Variants in XKR5 observed in about 807,000 individuals in gnomAD.
The protein encoded by XKR5 is XK related 5.
In XKR5, 46 loss-of-function variants were observed where a neutral mutation model predicts 40.8. The ratio of observed to expected loss-of-function variants is 1.13; its 90% CI spans 0.89 to 1.44. The LOEUF (loss-of-function observed/expected upper bound fraction) is 1.44. Ranked by LOEUF, XKR5 falls within the 40% of genes most tolerant of loss-of-function variation. The pLI is 0.00. For missense variants in XKR5, 1,169 were observed against 844.7 expected (o/e 1.38, Z -4.76); for synonymous variants, 466 against 356.1 (o/e 1.31, Z -3.48).
intron 6 of XKR5, 35 bp from the exon 7 acceptor site, chr8:6,812,374 C>T (rs1185213447): frequency 6.7e-7 from 1 of 1,498,704 alleles, no homozygotes; most frequent in African/African-American, 1.4e-5. Context: ...AGGTTATGTT[C>T]TTTGAAGTCT....
chr8:6,832,578 G>T, intron 2 of XKR5, 139 bp downstream of exon 2: 1 of 1,037,590 alleles, frequency 9.6e-7, no homozygotes, highest in Non-Finnish European at 1.4e-6. Flanking sequence ...TCAGAGCAGG[G>T]GTTTGCTGTG....
chr8:6,814,166 A>G (rs1803858487), intron 6 of XKR5, among the ~76,000 whole-genome samples: 1 of 152,218 alleles, frequency 6.6e-6, no homozygotes, highest in African/African-American at 2.4e-5. Context: ...AGTTTCCCAT[A>G]GGCCATTTAT....
chr8:6,833,502 G>A (rs1384531284), intron 1 of XKR5, among the ~76,000 whole-genome samples: 2 of 152,178 alleles, frequency 1.3e-5, no homozygotes, highest in Non-Finnish European at 2.9e-5. Context: ...AGGCCGAGGT[G>A]GGCAGATTGC....
Position 6,811,745 on chromosome 8 carries a change from G to T in XKR5, c.1514C>A (p.Ala505Asp). 6.5e-7 allele frequency: 1 copy of T among 1,537,584 alleles called. No individual in the cohort carries two copies. Among genetic ancestry groups the T allele is most frequent in the African/African-American group, 1.4e-5 (1 of 73,172 alleles). Residue 505 changes from alanine (A) to aspartate (D), a missense_variant, in exon 7 of 7, where the codon GCC (alanine) becomes GAC (aspartate). By Grantham distance (126) the Ala-to-Asp change is moderately radical. Coordinates refer to ENST00000618742, the MANE Select transcript of XKR5 (RefSeq NM_207411.5). ...QDEAPTQNPAATQGEGTPKEG... is the reference protein window; with the variant it reads ...QDEAPTQNPADTQGEGTPKEG... The stretch of plus-strand genomic sequence containing the variant: ...CTTTGGGGTGCCCTCCCCCTGCGTG[G>T]CTGCTGGGTTCTGGGTAGGTGCTTC...
chr8:6,815,660 G>A (rs1240991674), intron 6 of XKR5, 147 bp downstream of exon 6: 14 of 606,356 alleles, frequency 2.3e-5, no homozygotes, highest in Non-Finnish European at 3.8e-5. Flanking sequence ...GATGGGCATG[G>A]CTCTGCCCCC....
At chr8:6,825,902 C>G (rs1221491426) in intron 2 of XKR5, among the ~76,000 whole-genome samples, 1 of 152,112 alleles carries the variant, frequency 6.6e-6, no homozygotes, top group Non-Finnish European at 1.5e-5. Context: ...GGCCAGAGGT[C>G]CAGGTGGCTG....
chr8:6,832,624 T>A (rs2117122991), intron 2 of XKR5, 93 bp downstream of exon 2: 2 of 1,517,994 alleles, frequency 1.3e-6, no homozygotes, highest in Middle Eastern at 1.8e-4. Flanking sequence ...TGAACTTTTA[T>A]GAGCTTGAGG....
chr8:6,824,752 G>A (rs1245593636), intron 3 of XKR5, among the ~76,000 whole-genome samples: 1 of 152,044 alleles, frequency 6.6e-6, no homozygotes, highest in Non-Finnish European at 1.5e-5. Context: ...TGAGCTCCTG[G>A]GCTCAAGCAA....
Position 6,825,280 on chromosome 8 carries a change from C to T in XKR5, c.312G>A (p.Leu104=), listed in dbSNP as rs759969168. 1 of 1,610,212 alleles carries T rather than the reference C, an allele frequency of 6.2e-7. No individual in the cohort carries two copies. Among genetic ancestry groups the T allele is most frequent in the Non-Finnish European group, 8.5e-7 (1 of 1,178,756 alleles). The stretch of plus-strand genomic sequence containing the variant: ...GAAGGGCCGACAGGTCGGCCTCCTG[C>T]AGCTGCAGCCAGCCTCGGTGGGGAG... ...LEAPHRGWLQ[L]QEADLSALRL... The change falls in exon 3 of 7, where the codon CTG becomes CTA. Residue 104 remains leucine (L), a synonymous_variant. Coordinates refer to ENST00000618742, the MANE Select transcript of XKR5 (RefSeq NM_207411.5).
intron 2 of XKR5, among the ~76,000 whole-genome samples, chr8:6,828,364 A>G (rs1372681434): frequency 6.6e-6 from 1 of 152,188 alleles, no homozygotes; most frequent in Non-Finnish European, 1.5e-5. Context: ...ATGAAGGTCC[A>G]TGTCTGGGAA....
intron 2 of XKR5, among the ~76,000 whole-genome samples, chr8:6,832,177 G>C (rs184421554): frequency 6.6e-6 from 1 of 152,092 alleles, no homozygotes; most frequent in Non-Finnish European, 1.5e-5. Context: ...CTCACCTGTC[G>C]TGATGGTCTA....
Position 6,809,483 on chromosome 8 carries a change from C to G in XKR5, c.*1715G>C, listed in dbSNP as rs1803585226. Reference sequence around the variant, plus strand: ...TATGTATTTTTAGTAGTGATGGGGTCTCACTACATTGCCCAGGCTGGTCTC... The same window carrying G: ...TATGTATTTTTAGTAGTGATGGGGTGTCACTACATTGCCCAGGCTGGTCTC... On this transcript the variant is annotated 3_prime_UTR_variant, in exon 7 of 7. Coordinates refer to ENST00000618742, the MANE Select transcript of XKR5 (RefSeq NM_207411.5). 5 of 152,016 alleles carry G rather than the reference C, an allele frequency of 3.3e-5. No individual in the cohort carries two copies. Among genetic ancestry groups the G allele is most frequent in the Admixed American group, 3.3e-4 (5 of 15,258 alleles). 9.4% of individuals were successfully genotyped at this position (152,016 alleles called of 1,614,324 possible). A position where few individuals can be genotyped will look rare whatever the true frequency, so the allele number is the denominator to read the frequency against.
intron 2 of XKR5, among the ~76,000 whole-genome samples, chr8:6,830,884 C>A (rs949729806): frequency 6.6e-6 from 1 of 152,054 alleles, no homozygotes; most frequent in Non-Finnish European, 1.5e-5. Context: ...TGTGAAATAC[C>A]AGCAGCATGA....
chr8:6,832,942 G>A (rs1460814452), intron 1 of XKR5, 42 bp from the exon 2 acceptor site: 1 of 1,487,612 alleles, frequency 6.7e-7, no homozygotes, highest in Admixed American at 2.6e-5. Flanking sequence ...TTGGAAGGCT[G>A]GAGTGAGACT....
Position 6,811,435 on chromosome 8 carries a change from T to G in XKR5, c.1824A>C (p.Arg608Ser), listed in dbSNP as rs1459357799. 1 of 1,536,830 alleles carries G rather than the reference T, an allele frequency of 6.5e-7. No individual in the cohort carries two copies. The highest frequency in any genetic ancestry group is 2.4e-5 in the East Asian group (1 of 40,916). ...GGAAGCCTGCACTGGGGCAGAAGCCTCTACATGGGCCTGTGCCTAGGATGG... is the reference window on the plus strand; with the variant it reads ...GGAAGCCTGCACTGGGGCAGAAGCCGCTACATGGGCCTGTGCCTAGGATGG... The part of the protein sequence containing the change: ...ISPILGTGPC[R>S]GFCPSAGFPG... The change falls in exon 7 of 7, where the codon AGA becomes AGC. Residue 608 changes from arginine to serine, a missense_variant. By Grantham distance (110) the Arg-to-Ser change is moderately radical. Coordinates refer to ENST00000618742, the MANE Select transcript of XKR5 (RefSeq NM_207411.5).
chr8:6,824,809 C>T (rs1210703479), intron 3 of XKR5, among the ~76,000 whole-genome samples: 1 of 152,150 alleles, frequency 6.6e-6, no homozygotes, highest in Admixed American at 6.5e-5. Context: ...AGGTGTGAGA[C>T]TTGTGCCCGG....
At chr8:6,823,435 G>T in intron 4 of XKR5, 86 bp downstream of exon 4, 1 of 1,402,752 alleles carries the variant, frequency 7.1e-7, no homozygotes, top group Non-Finnish European at 9.9e-7. Context: ...TGGGATTGAG[G>T]ATCATATGTG....
intron 2 of XKR5, among the ~76,000 whole-genome samples, chr8:6,827,652 C>A (rs1804572667): frequency 6.6e-6 from 1 of 152,176 alleles, no homozygotes; most frequent in Admixed American, 6.5e-5. Flanking sequence ...ACCATGAGGG[C>A]AGGCAGTAGT....
At chr8:6,818,354 G>T (rs10091468) in intron 5 of XKR5, among the ~76,000 whole-genome samples, 27,931 of 152,150 alleles carry the variant, frequency 0.18, 2,904 homozygotes, top group East Asian at 0.27. Flanking sequence ...TGCCTCTTGT[G>T]TCCTGTAGGG....
Sources: gnomAD v4.1 joint callset for allele counts (sites outside exome capture counted in the v4.1 genomes callset) on GRCh38, gnomAD v4.1.1 for gene constraint, MANE v1.5 for transcripts, NCBI Gene and HGNC (gene_info 2026-07-23, HGNC 2026-07-21) for gene names.